Variants in ADK observed in about 807,000 individuals in gnomAD.
ADK encodes the protein adenosine kinase.
ADK carries 24 observed loss-of-function variants against 44.7 expected under a neutral mutation model. The ratio of observed to expected loss-of-function variants is 0.54; its 90% CI spans 0.39 to 0.76. The LOEUF is 0.76. Among genes scored for constraint, ADK ranks in the 30% least tolerant of loss-of-function variants. The pLI is 0.00. For synonymous variants in ADK, 128 were observed against 142.6 expected (o/e 0.90, Z 0.73); for missense variants, 321 against 425.1 (o/e 0.76, Z 2.15).
chr10:74,245,681 C>T (rs1217133848), intron 3 of ADK, among the ~76,000 whole-genome samples: 2 of 151,152 alleles, frequency 1.3e-5, no homozygotes, highest in Non-Finnish European at 2.9e-5. Context: ...ATGTCTGCCT[C>T]CCAGGTTCAA....
At chr10:74,698,133 C>T (rs529023231) in intron 10 of ADK, among the ~76,000 whole-genome samples, 3 of 152,182 alleles carry the variant, frequency 2.0e-5, no homozygotes, top group Non-Finnish European at 2.9e-5. Context: ...CCTTATGCCT[C>T]GTCAGCTAGA....
chr10:74,697,275 A>G (rs1856242134), intron 10 of ADK, among the ~76,000 whole-genome samples: 1 of 152,228 alleles, frequency 6.6e-6, no homozygotes, highest in African/African-American at 2.4e-5. Flanking sequence ...ACAGTGGCTC[A>G]CACCTGTAAT....
chr10:74,480,919 A>G (rs1023301728), intron 6 of ADK, among the ~76,000 whole-genome samples: 22 of 151,894 alleles, frequency 1.4e-4, no homozygotes, highest in Non-Finnish European at 2.9e-4. Flanking sequence ...TTTTTTCCTC[A>G]AGGATTCTGT....
chr10:74,165,312 G>A (rs1348546302), intron 1 of ADK, among the ~76,000 whole-genome samples: 1 of 151,934 alleles, frequency 6.6e-6, no homozygotes, highest in Non-Finnish European at 1.5e-5. Context: ...TACAGTTGAG[G>A]GTATTAAAGC....
At chr10:74,421,931 A>G (rs533288977) in intron 6 of ADK, among the ~76,000 whole-genome samples, 81 of 152,304 alleles carry the variant, frequency 5.3e-4, no homozygotes, top group East Asian at 1.9e-3. Context: ...AAATAAGTAA[A>G]TGGAGGAGAA....
intron 9 of ADK, among the ~76,000 whole-genome samples, chr10:74,624,228 A>AT (rs201131792): frequency 0.017 from 2,298 of 139,104 alleles, 44 homozygotes; most frequent in African/African-American, 0.051. Context: ...TGATTCATTG[A>AT]TTTTTTTTTT....
intron 9 of ADK, among the ~76,000 whole-genome samples, chr10:74,625,428 C>A (rs1853155031): frequency 6.6e-6 from 1 of 151,826 alleles, no homozygotes; most frequent in Non-Finnish European, 1.5e-5. Context: ...CTATGCTGGG[C>A]AATACATTAT....
At chr10:74,287,336 C>A (rs12569695) in intron 3 of ADK, among the ~76,000 whole-genome samples, 2 of 151,890 alleles carry the variant, frequency 1.3e-5, no homozygotes, top group African/African-American at 4.8e-5. Context: ...TGGTGGTGCA[C>A]GCCTGTAATC....
At chr10:74,432,641 C>G (rs1216356095) in intron 6 of ADK, among the ~76,000 whole-genome samples, 1 of 152,140 alleles carries the variant, frequency 6.6e-6, no homozygotes, top group East Asian at 1.9e-4. Flanking sequence ...ACGGGATCAT[C>G]ATCTATAACG....
At chr10:74,195,473 T>G (rs1843094546) in intron 1 of ADK, among the ~76,000 whole-genome samples, 1 of 152,048 alleles carries the variant, frequency 6.6e-6, no homozygotes, top group Non-Finnish European at 1.5e-5. Context: ...ATCTTTTATA[T>G]GCTACTTTAT....
chr10:74,571,424 CTT>C (rs1190032906), intron 7 of ADK, among the ~76,000 whole-genome samples: 1 of 151,992 alleles, frequency 6.6e-6, no homozygotes, highest in East Asian at 1.9e-4. Context: ...GTCCTGGACT[CTT>C]TTTGGTTGGT....
intron 7 of ADK, among the ~76,000 whole-genome samples, chr10:74,541,794 A>ACACC (rs1554878461): frequency 4.7e-5 from 3 of 63,802 alleles, no homozygotes; most frequent in African/African-American, 1.9e-4. Context: ...ACCCCCACAC[A>ACACC]CCCCCCCCCC....
chr10:74,330,811 A>G (rs1376527207), intron 4 of ADK, among the ~76,000 whole-genome samples: 1 of 152,210 alleles, frequency 6.6e-6, no homozygotes, highest in Non-Finnish European at 1.5e-5. Flanking sequence ...TTAACCGACT[A>G]CAACCTGATG....
At chr10:74,554,050 C>G (rs1850145808) in intron 7 of ADK, among the ~76,000 whole-genome samples, 1 of 152,046 alleles carries the variant, frequency 6.6e-6, no homozygotes, top group South Asian at 2.1e-4. Context: ...GAATCTTTTG[C>G]CTTATTGCAT....
chr10:74,618,974 A>G (rs1852876685), intron 9 of ADK, among the ~76,000 whole-genome samples: 1 of 149,136 alleles, frequency 6.7e-6, no homozygotes, highest in Non-Finnish European at 1.5e-5. Context: ...TACATATACT[A>G]GGTCTTTTCA....
intron 6 of ADK, among the ~76,000 whole-genome samples, chr10:74,496,915 C>T (rs1292277055): frequency 6.6e-6 from 1 of 152,142 alleles, no homozygotes; most frequent in African/African-American, 2.4e-5. Flanking sequence ...ATTTAAGCCT[C>T]ATTTATTGCC....
chr10:74,636,720 A>G lies in ADK; in HGVS notation c.878-33463A>G, dbSNP rs191548069. Among the ~76,000 whole-genome samples the G allele has an allele frequency of 1.1e-3, 172 of 152,342 alleles. 3 individuals carry two copies. The East Asian group carries it at 0.027, about 24-fold the overall frequency. ...ATAATAGATGAATATTTAAGGTGTT[A>G]AGGACACAAGAAGAGGAAGCAGCCA... On this transcript the variant is annotated intron_variant, in intron 9 of 10. Transcript: ENST00000539909.
intron 1 of ADK, among the ~76,000 whole-genome samples, chr10:74,182,212 T>A (rs1462285765): frequency 6.6e-6 from 1 of 151,918 alleles, no homozygotes; most frequent in African/African-American, 2.4e-5. Context: ...TACCTGTGTT[T>A]TTAAAATACG....
chr10:74,600,798 A>G (rs982139958), intron 9 of ADK, among the ~76,000 whole-genome samples: 1 of 152,044 alleles, frequency 6.6e-6, no homozygotes, highest in Non-Finnish European at 1.5e-5. Flanking sequence ...TTTCATTTAT[A>G]AAATACCTGC....
Sources: allele counts gnomAD v4.1 joint callset (sites outside exome capture counted in the v4.1 genomes callset), GRCh38; gene constraint gnomAD v4.1.1; transcripts MANE v1.5; gene names NCBI Gene and HGNC (gene_info 2026-07-23, HGNC 2026-07-21).